CHDH: variants seen among roughly 807,000 people sequenced by gnomAD.
The protein encoded by CHDH is choline dehydrogenase.
CHDH carries 43 observed loss-of-function variants against 56.9 expected under a neutral mutation model. The observed-to-expected ratio is 0.76, with a 90% CI of 0.59 to 0.97. The LOEUF (loss-of-function observed/expected upper bound fraction) is 0.97. CHDH is among the 50% of genes least tolerant of loss of function. The probability of loss-of-function intolerance (pLI) is 0.00; values close to 1 mark genes in which losing one functional copy is unlikely to be tolerated. For missense variants in CHDH, 816 were observed against 821.1 expected (o/e 0.99, Z 0.08); for synonymous variants, 364 against 348.5 (o/e 1.04, Z -0.50).
intron 2 of CHDH, among the ~76,000 whole-genome samples, chr3:53,839,701 A>G (rs1397549447): frequency 6.6e-6 from 1 of 152,196 alleles, no homozygotes; most frequent in Non-Finnish European, 1.5e-5. Context: ...CAACAATCCC[A>G]CTACTGGGCT....
At chr3:53,843,972 G>T (rs1317115065) in intron 1 of CHDH, among the ~76,000 whole-genome samples, 3 of 152,178 alleles carry the variant, frequency 2.0e-5, no homozygotes, top group Admixed American at 6.5e-5. Flanking sequence ...TCTCATGCAG[G>T]GCCACTTGAG....
rs1241024670 is a variant in CHDH at position 53,813,041 on chromosome 3, C to T, written c.*4736G>A. On this transcript the variant is annotated 3_prime_UTR_variant, in exon 9 of 9. Coordinates refer to ENST00000315251, the MANE Select transcript of CHDH (RefSeq NM_018397.5). ...AGAATTAGGCCGACTGTCAGGTTAC[C>T]TTGGCAGGGATTCCCTGCAATCAAA... 6.6e-6 allele frequency: 1 copy of T among 151,960 alleles called. No individual in the cohort carries two copies. The highest frequency in any genetic ancestry group is 1.5e-5 in the Non-Finnish European group (1 of 68,016). The allele number at this position is 151,960 out of a possible 1,614,324, so 9.4% of individuals were successfully genotyped here.
In CHDH at chr3:53,819,474, C is replaced by T; in HGVS notation, c.1263+58G>A. 1 of 1,553,192 alleles carries T rather than the reference C, an allele frequency of 6.4e-7. No homozygotes were observed. Among genetic ancestry groups the T allele is most frequent in the African/African-American group, 1.4e-5 (1 of 73,328 alleles). The stretch of plus-strand genomic sequence containing the variant: ...ATGCTGCCTTGGAAGATGGGAGCAT[C>T]TTCCTTCCTGGTGGGAAGGAGACAT... On this transcript the variant is annotated intron_variant, in intron 7 of 8. Transcript: ENST00000315251. This position sits in a 1 kb window ranked among gnomAD's most constrained non-coding sequence, Gnocchi z 5.4.
chr3:53,826,566 T>C (rs9855967), intron 2 of CHDH, among the ~76,000 whole-genome samples: 9,975 of 152,228 alleles, frequency 0.066, 1,117 homozygotes, highest in African/African-American at 0.22. Flanking sequence ...CATTAAATGA[T>C]AGAAACTCTC....
chr3:53,843,186 A>C (rs11311706), intron 1 of CHDH, among the ~76,000 whole-genome samples: 11,813 of 35,622 alleles, frequency 0.33, 1,299 homozygotes, highest in African/African-American at 0.51. Flanking sequence ...TTCCCCCCCC[A>C]CCTTTTTTTT....
intron 2 of CHDH, among the ~76,000 whole-genome samples, chr3:53,831,882 T>C (rs1171200508): frequency 6.7e-6 from 1 of 148,710 alleles, no homozygotes; most frequent in African/African-American, 2.5e-5. Context: ...AGGATGGCTA[T>C]AATAAAGGCT....
intron 5 of CHDH, among the ~76,000 whole-genome samples, chr3:53,821,086 G>A (rs1323285283): frequency 6.6e-6 from 1 of 152,256 alleles, no homozygotes; most frequent in African/African-American, 2.4e-5. Flanking sequence ...ACATCATGAA[G>A]CAGCACTTCC....
At position 53,822,476 on chromosome 3, in the gene CHDH, C is replaced by G. The variant is rs773178320; in HGVS notation, c.855+15G>C. On this transcript the variant is annotated intron_variant, in intron 4 of 8. Coordinates refer to ENST00000315251, the MANE Select transcript of CHDH (RefSeq NM_018397.5). The stretch of plus-strand genomic sequence containing the variant: ...CCACCCCCTTCTTCCAGGACCCCAG[C>G]TGCAGTCCACTCACCCTGTGGCTCT... 3.8e-6 allele frequency: 6 copies of G among 1,599,426 alleles called. No individual in the cohort carries two copies. In the East Asian group the frequency reaches 1.3e-4, roughly 36 times the overall value.
intron 8 of CHDH, among the ~76,000 whole-genome samples, chr3:53,818,584 G>T (rs1055586750): frequency 6.6e-6 from 1 of 152,200 alleles, no homozygotes; most frequent in Non-Finnish European, 1.5e-5. Context: ...AAAGAGGCAG[G>T]CCCAGGAATG....
At chr3:53,826,602 T>C (rs1357755557) in intron 2 of CHDH, among the ~76,000 whole-genome samples, 1 of 152,068 alleles carries the variant, frequency 6.6e-6, no homozygotes, top group Non-Finnish European at 1.5e-5. Context: ...GAAGGAAACT[T>C]CCCCAACTTG....
chr3:53,817,496 C>A lies in CHDH; in HGVS notation c.*281G>T. On this transcript the variant is annotated 3_prime_UTR_variant, in exon 9 of 9. Coordinates refer to ENST00000315251, the MANE Select transcript of CHDH (RefSeq NM_018397.5). The stretch of plus-strand genomic sequence containing the variant: ...AAGGATGCGGCAGGAGTTAACCATC[C>A]TCCCCTTCTGTCCCTCCAGGAGGCA... 2.2e-6 allele frequency: 1 copy of A among 448,822 alleles called. No individual in the cohort carries two copies. Among genetic ancestry groups the A allele is most frequent in the Non-Finnish European group, 3.9e-6 (1 of 255,338 alleles). The allele number at this position is 448,822 out of a possible 1,614,324, so 27.8% of individuals were successfully genotyped here.
chr3:53,832,030 T>C (rs1293902311), intron 2 of CHDH, among the ~76,000 whole-genome samples: 3 of 151,716 alleles, frequency 2.0e-5, no homozygotes, highest in Non-Finnish European at 4.4e-5. Context: ...ACATTGCTGG[T>C]AGGAATGTAA....
In CHDH at chr3:53,823,869, C is replaced by T. The variant is rs759739349; in HGVS notation, c.140G>A (p.Gly47Asp). 1.1e-5 allele frequency: 18 copies of T among 1,591,628 alleles called. No homozygotes were observed. In the South Asian group the frequency reaches 2.0e-4, roughly 18 times the overall value. The change falls in exon 3 of 9, where the codon GGC becomes GAC. Residue 47 changes from glycine to aspartate, a missense_variant. Physicochemically the swap from Gly to Asp is moderately conservative, Grantham distance 94. Transcript: ENST00000315251. ...SRDEYSYVVV[G>D]AGSAGCVLAG... The stretch of plus-strand genomic sequence containing the variant: ...CAGCACGCAGCCCGCCGAGCCCGCG[C>T]CCACCACCACATAGCTGTACTCGTC...
rs2095611712 is a variant in CHDH, at chr3:53,814,190, C to G, written c.*3587G>C. On this transcript the variant is annotated 3_prime_UTR_variant, in exon 9 of 9. Transcript: ENST00000315251. ...GCTATGAGAAAAACTGGAGCAGTTT[C>G]ACCTTGTGTACTTCTCAGCATCGTA... 1 of 152,212 alleles carries G rather than the reference C, an allele frequency of 6.6e-6. No homozygotes were observed. The highest frequency in any genetic ancestry group is 2.4e-5 in the African/African-American group (1 of 41,448). The allele number at this position is 152,212 out of a possible 1,614,324, so 9.4% of individuals were successfully genotyped here.
At chr3:53,827,379 T>C (rs559754057) in intron 2 of CHDH, among the ~76,000 whole-genome samples, 1 of 152,312 alleles carries the variant, frequency 6.6e-6, no homozygotes, top group Non-Finnish European at 1.5e-5. Context: ...ATGTTTCCTG[T>C]AAAGCCTGTG....
In CHDH at chr3:53,819,472, A is replaced by G; in HGVS notation, c.1263+60T>C. ...GAATGCTGCCTTGGAAGATGGGAGC[A>G]TCTTCCTTCCTGGTGGGAAGGAGAC... On this transcript the variant is annotated intron_variant, in intron 7 of 8. Transcript: ENST00000315251. The surrounding 1 kb of genome is among the most constrained non-coding windows in gnomAD (Gnocchi z 5.4). 1 of 1,552,188 alleles carries G rather than the reference A, an allele frequency of 6.4e-7. No homozygotes were observed. The highest frequency in any genetic ancestry group is 8.7e-7 in the Non-Finnish European group (1 of 1,148,496).
At chr3:53,835,576 G>A (rs1162553808) in intron 2 of CHDH, among the ~76,000 whole-genome samples, 1 of 152,162 alleles carries the variant, frequency 6.6e-6, no homozygotes, top group East Asian at 1.9e-4. Flanking sequence ...TTTTCCATCT[G>A]GCCTTCTAGT....
Position 53,818,980 on chromosome 3 carries a change from GA to G in CHDH, c.1323del (p.Gln443LysfsTer5), listed in dbSNP as rs2095620872. ...GGCTGGATCACAGGGTGGTCTTGGGGATTGGCACTTCTCAGTTTGAGCCAGC... is the reference window on the plus strand; with the variant it reads ...GGCTGGATCACAGGGTGGTCTTGGGGTTGGCACTTCTCAGTTTGAGCCAGC... ...SVGWLKLRSA[N>X]PQDHPVIQPN... On this transcript the variant is annotated frameshift_variant, in exon 8 of 9. Coordinates refer to ENST00000315251, the MANE Select transcript of CHDH (RefSeq NM_018397.5). LOFTEE classifies it high-confidence loss of function. 6.2e-7 allele frequency: 1 copy of G among 1,613,894 alleles called. No homozygotes were observed.
At chr3:53,843,571 A>T (rs935419781) in intron 1 of CHDH, among the ~76,000 whole-genome samples, 7 of 152,064 alleles carry the variant, frequency 4.6e-5, no homozygotes, top group Non-Finnish European at 8.8e-5. Flanking sequence ...AAGAAAGAGG[A>T]GGAAGTTCAA....
Sources: allele counts gnomAD v4.1 joint callset (sites outside exome capture counted in the v4.1 genomes callset), GRCh38; gene constraint gnomAD v4.1.1; non-coding constraint Gnocchi (gnomAD v3.1); transcripts MANE v1.5; gene names NCBI Gene and HGNC (gene_info 2026-07-23, HGNC 2026-07-21).